The following BMERB1 variants were observed in gnomAD, a reference collection of about 807,000 sequenced individuals.
BMERB1 encodes the protein bMERB domain-containing protein 1.
A neutral mutation model predicts 23.6 loss-of-function variants in BMERB1; 12 were observed. The ratio of observed to expected loss-of-function variants is 0.51; its 90% CI spans 0.33 to 0.82. The LOEUF (loss-of-function observed/expected upper bound fraction) is 0.82, where lower values mean the gene tolerates loss of function less well. Ranked by LOEUF, BMERB1 falls within the 40% of genes least tolerant of loss-of-function variation. The pLI is 0.03. For missense variants in BMERB1, 247 were observed against 255.4 expected, an observed-to-expected ratio of 0.97 and a Z score of 0.22; for synonymous variants, 122 against 96.6, an observed-to-expected ratio of 1.26 and a Z score of -1.54.
chr16:15,472,550 G>A (rs996662677), intron 1 of BMERB1, among the ~76,000 whole-genome samples: 1 of 152,134 alleles, frequency 6.6e-6, no homozygotes, highest in Non-Finnish European at 1.5e-5. Context: ...TCTGGTATTA[G>A]TAGAGCCATC....
At chr16:15,572,181 C>T (rs1215982995) in intron 3 of BMERB1, among the ~76,000 whole-genome samples, 2 of 152,106 alleles carry the variant, frequency 1.3e-5, no homozygotes, top group Non-Finnish European at 2.9e-5. Context: ...TGAAAGTTCG[C>T]GACTTAATTT....
chr16:15,456,340 G>GTT (rs560310881), intron 1 of BMERB1, among the ~76,000 whole-genome samples: 13 of 139,156 alleles, frequency 9.3e-5, no homozygotes, highest in African/African-American at 2.9e-4. Flanking sequence ...TCTTTTCCTT[G>GTT]TTTTTTTTTT....
At position 15,449,073 on chromosome 16, in the gene BMERB1, A is replaced by G. The variant is rs138062599; in HGVS notation, c.106+14314A>G. 6.3e-4 allele frequency among the ~76,000 whole-genome samples: 96 copies of G among 152,346 alleles called. 1 individual carries two copies. The highest frequency in any genetic ancestry group is 3.1e-3 in the East Asian group (16 of 5,192). ...CTTTCTGAAACAACAGAAACAAAAA[A>G]ACGATAAGGCCCCGTTAAATAACTG... On this transcript the variant is annotated intron_variant, in intron 1 of 5. Transcript: ENST00000300006.
intron 1 of BMERB1, among the ~76,000 whole-genome samples, chr16:15,479,338 T>C (rs558709807): frequency 6.6e-6 from 1 of 152,306 alleles, no homozygotes; most frequent in East Asian, 1.9e-4. Context: ...AAATGACCAA[T>C]ACATGATATT....
intron 2 of BMERB1, among the ~76,000 whole-genome samples, chr16:15,527,465 C>T (rs924578210): frequency 6.6e-6 from 1 of 152,206 alleles, no homozygotes; most frequent in East Asian, 1.9e-4. Context: ...ATTAGCCAGG[C>T]GTGGTGGCGC....
chr16:15,515,428 TGTGA>T lies in BMERB1; in HGVS notation c.230+4_230+7del. 6.2e-7 allele frequency: 1 copy of T among 1,613,278 alleles called. No homozygotes were observed. Among genetic ancestry groups the T allele is most frequent in the Non-Finnish European group, 8.5e-7 (1 of 1,179,736 alleles). ...CGCCGGGAGTCTGAGCTCAGGTTCA[TGTGA>T]GTGTTTTGGGGATGTGGCCAAGGAA... On this transcript the variant is annotated splice_donor_variant and splice_donor_region_variant and intron_variant, in intron 2 of 5. Transcript: ENST00000300006. LOFTEE classifies it high-confidence loss of function.
intron 4 of BMERB1, among the ~76,000 whole-genome samples, chr16:15,582,674 C>T (rs552398475): frequency 2.4e-4 from 37 of 152,166 alleles, no homozygotes; most frequent in Admixed American, 1.4e-3. Context: ...GTTACGATTG[C>T]ACCATTGCAC....
intron 1 of BMERB1, 90 bp downstream of exon 1, chr16:15,434,849 C>A: frequency 1.7e-6 from 2 of 1,155,672 alleles, no homozygotes; most frequent in Middle Eastern, 2.9e-4. Context: ...GGAACGCCAG[C>A]AGTGGACCCA....
At chr16:15,496,091 TG>T (rs1302083627) in intron 1 of BMERB1, among the ~76,000 whole-genome samples, 2 of 151,892 alleles carry the variant, frequency 1.3e-5, no homozygotes, top group Non-Finnish European at 2.9e-5. Context: ...ATGATGGTGA[TG>T]GTGATGGTGG....
At chr16:15,459,183 A>G (rs1354313016) in intron 1 of BMERB1, among the ~76,000 whole-genome samples, 1 of 152,146 alleles carries the variant, frequency 6.6e-6, no homozygotes, top group Non-Finnish European at 1.5e-5. Context: ...AAATAACATG[A>G]AAGAAAGCTA....
intron 1 of BMERB1, among the ~76,000 whole-genome samples, chr16:15,509,144 G>T (rs1030433632): frequency 1.3e-5 from 2 of 152,034 alleles, no homozygotes; most frequent in Middle Eastern, 6.3e-3. Flanking sequence ...CCTCGCCCCA[G>T]GGTGTGTTGC....
At chr16:15,439,338 G>C (rs1365652550) in intron 1 of BMERB1, among the ~76,000 whole-genome samples, 1 of 107,244 alleles carries the variant, frequency 9.3e-6, no homozygotes, top group African/African-American at 3.6e-5. Context: ...TGCGCACTTC[G>C]GACTCTTGGA....
chr16:15,552,432 T>G (rs2030119147), intron 2 of BMERB1, among the ~76,000 whole-genome samples: 1 of 150,130 alleles, frequency 6.7e-6, no homozygotes, highest in African/African-American at 2.5e-5. Flanking sequence ...AGAACGAGAC[T>G]CCATCTCAAA....
chr16:15,588,043 T>C lies in BMERB1; in HGVS notation c.*1214T>C, dbSNP rs1425988917. The stretch of plus-strand genomic sequence containing the variant: ...TAAATCATTTTAAAAGTACAAAAAG[T>C]ATGAAGAAGTTTGTCTTAAAAAAAA... On this transcript the variant is annotated 3_prime_UTR_variant, in exon 6 of 6. Coordinates refer to ENST00000300006, the MANE Select transcript of BMERB1 (RefSeq NM_033201.3). 7.6e-6 allele frequency: 1 copy of C among 132,362 alleles called. No homozygotes were observed. Among genetic ancestry groups the C allele is most frequent in the Non-Finnish European group, 1.6e-5 (1 of 64,238 alleles). The allele number at this position is 132,362 out of a possible 1,614,324, so 8.2% of individuals were successfully genotyped here.
intron 2 of BMERB1, among the ~76,000 whole-genome samples, chr16:15,567,423 G>C (rs1227962969): frequency 6.6e-6 from 1 of 152,046 alleles, no homozygotes; most frequent in African/African-American, 2.4e-5. Context: ...GGCACATGAA[G>C]ACTGGAAGGA....
chr16:15,581,561 G>C (rs2031014977), intron 4 of BMERB1, among the ~76,000 whole-genome samples: 1 of 152,176 alleles, frequency 6.6e-6, no homozygotes, highest in African/African-American at 2.4e-5. Context: ...GTTGTTCCAG[G>C]AAGTGACCAG....
intron 2 of BMERB1, among the ~76,000 whole-genome samples, chr16:15,541,426 T>G (rs2052078397): frequency 1.0e-5 from 1 of 97,594 alleles, no homozygotes; most frequent in Non-Finnish European, 2.3e-5. Flanking sequence ...CCGAATTGTT[T>G]TTTTTTTTTT....
At chr16:15,578,650 G>A (rs1205209166) in intron 3 of BMERB1, among the ~76,000 whole-genome samples, 1 of 152,104 alleles carries the variant, frequency 6.6e-6, no homozygotes, top group Non-Finnish European at 1.5e-5. Flanking sequence ...CAAGATCAAG[G>A]TGTTGGCAGA....
chr16:15,501,234 C>T (rs556516591), intron 1 of BMERB1, among the ~76,000 whole-genome samples: 1 of 151,524 alleles, frequency 6.6e-6, no homozygotes, highest in East Asian at 1.9e-4. Flanking sequence ...CCTGCCTCAG[C>T]CTCCAGAGTA....
Sources: allele counts gnomAD v4.1 joint callset (sites outside exome capture counted in the v4.1 genomes callset), GRCh38; gene constraint gnomAD v4.1.1; transcripts MANE v1.5; gene names NCBI Gene and HGNC (gene_info 2026-07-23, HGNC 2026-07-21).